ARHGAP10: variants seen among roughly 807,000 people sequenced by gnomAD.
ARHGAP10 encodes the protein rho GTPase-activating protein 10.
A neutral mutation model predicts 108.6 loss-of-function variants in ARHGAP10; 87 were observed. The ratio of observed to expected loss-of-function variants is 0.80; its 90% confidence interval spans 0.67 to 0.96. ARHGAP10 has a LOEUF of 0.96. Ranked by LOEUF, ARHGAP10 falls within the 40% of genes least tolerant of loss-of-function variation. ARHGAP10 has a pLI of 0.00. For synonymous variants in ARHGAP10, 347 were observed against 341.1 expected, an observed-to-expected ratio of 1.02 and a Z score of -0.19; for missense variants, 939 against 954.5, an observed-to-expected ratio of 0.98 and a Z score of 0.21.
At chr4:147,864,163 G>C (rs1274281958) in intron 5 of ARHGAP10, 1 of 152,300 alleles carries the variant, frequency 6.6e-6, no homozygotes, top group Non-Finnish European at 1.5e-5. Flanking sequence ...TCTCTGTGGA[G>C]TCCTGCTCTT....
intron 10 of ARHGAP10, among the ~76,000 whole-genome samples, chr4:147,895,166 T>A (rs1319135019): frequency 1.3e-5 from 2 of 152,178 alleles, no homozygotes; most frequent in African/African-American, 4.8e-5. Flanking sequence ...ATGGGCATTT[T>A]TTTTTTGGTG....
intron 1 of ARHGAP10, among the ~76,000 whole-genome samples, chr4:147,791,179 T>G (rs1443563100): frequency 6.6e-6 from 1 of 151,422 alleles, no homozygotes. Flanking sequence ...TGGTGCGATC[T>G]CAGCTCACTG....
intron 3 of ARHGAP10, among the ~76,000 whole-genome samples, chr4:147,842,630 G>A (rs1349419468): frequency 6.6e-6 from 1 of 152,088 alleles, no homozygotes; most frequent in Non-Finnish European, 1.5e-5. Flanking sequence ...CCACATGGAA[G>A]GCCTTTGCCT....
In ARHGAP10 at chr4:148,059,433, C is replaced by T. The variant is rs185352997; in HGVS notation, c.2028-3715C>T. 1.9e-3 allele frequency among the ~76,000 whole-genome samples: 294 copies of T among 151,822 alleles called. 1 individual carries two copies. The highest frequency in any genetic ancestry group is 5.6e-3 in the African/African-American group (232 of 41,394). ...ATGCCAGTCTTACTAATCAAAAATC[C>T]GTAGTTAAAGGGACAACAAGAAAAA... is the stretch of plus-strand genomic sequence containing the variant. On this transcript the variant is annotated intron_variant, in intron 20 of 22. Transcript: ENST00000336498.
chr4:147,766,567 T>TGG (rs1447772899), intron 1 of ARHGAP10, among the ~76,000 whole-genome samples: 33 of 146,510 alleles, frequency 2.3e-4, no homozygotes, highest in Middle Eastern at 3.5e-3. Context: ...TGTGTGTGGG[T>TGG]GTGTGTGTAT....
intron 4 of ARHGAP10, among the ~76,000 whole-genome samples, 154 bp from the exon 5 acceptor site, chr4:147,857,399 C>T (rs1198015121): frequency 1.3e-5 from 2 of 152,112 alleles, no homozygotes; most frequent in Non-Finnish European, 2.9e-5. Flanking sequence ...AAGCAGTAGG[C>T]TTGGTACAGA....
At chr4:147,792,141 A>G (rs1731149551) in intron 1 of ARHGAP10, among the ~76,000 whole-genome samples, 1 of 152,190 alleles carries the variant, frequency 6.6e-6, no homozygotes, top group Non-Finnish European at 1.5e-5. Context: ...GTCAGATTAC[A>G]TTCCCTCTGC....
chr4:147,836,394 C>T (rs1212334944), intron 3 of ARHGAP10, among the ~76,000 whole-genome samples: 1 of 152,138 alleles, frequency 6.6e-6, no homozygotes, highest in Non-Finnish European at 1.5e-5. Context: ...AAAATTCTTA[C>T]TGGGGACATT....
At chr4:147,963,009 C>T (rs1286455782) in intron 16 of ARHGAP10, among the ~76,000 whole-genome samples, 1 of 152,146 alleles carries the variant, frequency 6.6e-6, no homozygotes, top group Admixed American at 6.5e-5. Flanking sequence ...ACTTTTTCCT[C>T]CTAATTAGTT....
At chr4:147,755,327 C>T (rs1729323114) in intron 1 of ARHGAP10, among the ~76,000 whole-genome samples, 1 of 152,098 alleles carries the variant, frequency 6.6e-6, no homozygotes, top group Admixed American at 6.6e-5. Flanking sequence ...GTGTTCATGG[C>T]ATTTCTTCCC....
intron 3 of ARHGAP10, among the ~76,000 whole-genome samples, chr4:147,837,649 T>TTTTTTTTTTTTTTTTTTTTTG (rs1464829511): frequency 3.0e-5 from 4 of 132,134 alleles, no homozygotes; most frequent in Non-Finnish European, 5.0e-5. Context: ...CACTGTTTTT[T>TTTTTTTTTTTTTTTTTTTTTG]TTTTTTTTTT....
chr4:147,973,080 C>T (rs1739469661), intron 18 of ARHGAP10, among the ~76,000 whole-genome samples: 1 of 151,968 alleles, frequency 6.6e-6, no homozygotes, highest in Non-Finnish European at 1.5e-5. Flanking sequence ...TGTTGAGAGC[C>T]AGAGTGTGGA....
intron 18 of ARHGAP10, among the ~76,000 whole-genome samples, chr4:148,017,651 A>ACT (rs1414084388): frequency 1.4e-5 from 1 of 73,376 alleles, no homozygotes; most frequent in Non-Finnish European, 2.4e-5. Flanking sequence ...TGAGCCAGTA[A>ACT]CTATATATAT....
At chr4:148,054,512 C>T (rs1560895037) in intron 20 of ARHGAP10, among the ~76,000 whole-genome samples, 1 of 152,232 alleles carries the variant, frequency 6.6e-6, no homozygotes, top group Non-Finnish European at 1.5e-5. Context: ...AACTTGACCC[C>T]AACTTCCTGG....
At position 147,942,943 on chromosome 4, in the gene ARHGAP10, CAG is replaced by C. The variant is rs1404870838; in HGVS notation, c.1303+3045_1303+3046del. The stretch of plus-strand genomic sequence containing the variant: ...TTCTTCCCCTTTGCAGCCTCTAAGA[CAG>C]GGCGCACAGATTTGGTAGAAGTTGT... On this transcript the variant is annotated intron_variant, in intron 14 of 22. Transcript: ENST00000336498. Among the ~76,000 whole-genome samples the C allele has an allele frequency of 2.6e-5, 4 of 152,232 alleles. No individual in the cohort carries two copies. The East Asian group carries it at 5.8e-4, about 22-fold the overall frequency.
intron 3 of ARHGAP10, among the ~76,000 whole-genome samples, chr4:147,833,644 CAA>C (rs1380640919): frequency 6.6e-6 from 1 of 152,114 alleles, no homozygotes; most frequent in Non-Finnish European, 1.5e-5. Flanking sequence ...TCTTTATGCA[CAA>C]GAGGGATACA....
At chr4:147,880,033 C>T (rs1034212905) in intron 9 of ARHGAP10, among the ~76,000 whole-genome samples, 1 of 152,126 alleles carries the variant, frequency 6.6e-6, no homozygotes, top group Non-Finnish European at 1.5e-5. Context: ...GTTAACTGTT[C>T]CCCCTGAAAC....
chr4:147,746,447 C>G (rs1194851517), intron 1 of ARHGAP10, among the ~76,000 whole-genome samples: 2 of 149,598 alleles, frequency 1.3e-5, no homozygotes, highest in East Asian at 2.0e-4. Context: ...TTTGCCCAGG[C>G]TGGAATGCAG....
intron 15 of ARHGAP10, among the ~76,000 whole-genome samples, chr4:147,948,087 C>T (rs1232108664): frequency 6.6e-6 from 1 of 152,010 alleles, no homozygotes; most frequent in African/African-American, 2.4e-5. Flanking sequence ...ATTACAGGCA[C>T]TCGCCACCAT....
Sources: allele counts gnomAD v4.1 joint callset (sites outside exome capture counted in the v4.1 genomes callset), GRCh38; gene constraint gnomAD v4.1.1; transcripts MANE v1.5; gene names NCBI Gene and HGNC (gene_info 2026-07-23, HGNC 2026-07-21).